Variants in RGS6 observed in about 807,000 individuals in gnomAD.
RGS6 encodes regulator of G-protein signaling 6.
RGS6 carries 30 observed loss-of-function variants against 78.5 expected under a neutral mutation model. The ratio of observed to expected loss-of-function variants is 0.38; its 90% CI spans 0.29 to 0.52. RGS6 has a LOEUF of 0.52. Ranked by LOEUF, RGS6 falls within the 20% of genes least tolerant of loss-of-function variation. RGS6 has a pLI of 0.85. For missense variants in RGS6, 495 were observed against 609.7 expected (o/e 0.81, Z 1.98); for synonymous variants, 206 against 206.0 (o/e 1.00, Z 0.00).
At chr14:72,537,654 A>G (rs995928793) in intron 16 of RGS6, 6 of 654,810 alleles carry the variant, frequency 9.2e-6, no homozygotes, top group Non-Finnish European at 1.6e-5. Context: ...TCTAAGAACT[A>G]GAGGAAAGAA....
At chr14:72,213,773 T>C (rs1226976829) in intron 2 of RGS6, among the ~76,000 whole-genome samples, 1 of 152,238 alleles carries the variant, frequency 6.6e-6, no homozygotes, top group African/African-American at 2.4e-5. Flanking sequence ...TTTATAGATC[T>C]TATGGTCAGA....
the RGS6 span, among the ~76,000 whole-genome samples, chr14:72,611,439 T>C: frequency 1.3e-5 from 2 of 152,160 alleles, no homozygotes; most frequent in Non-Finnish European, 2.9e-5. Context: ...ACACCAGCAG[T>C]GCCAGATACA....
Position 71,963,573 on chromosome 14 carries a change from T to C in RGS6, c.-20-1199T>C, listed in dbSNP as rs149917709. Among the ~76,000 whole-genome samples the C allele has an allele frequency of 3.3e-3, 497 of 152,374 alleles. 2 individuals carry two copies. Among genetic ancestry groups the C allele is most frequent in the African/African-American group, 0.011 (476 of 41,586 alleles). On this transcript the variant is annotated intron_variant, in intron 1 of 17. Coordinates refer to ENST00000553525, the MANE Select transcript of RGS6 (RefSeq NM_001204424.2). ...CTTGTCTCTGTGGACTTACCTATTC[T>C]GGATATTTCATAAAAATAGACTCCA... is the stretch of plus-strand genomic sequence containing the variant.
At chr14:72,133,433 G>A (rs539948163) in intron 2 of RGS6, among the ~76,000 whole-genome samples, 4 of 152,244 alleles carry the variant, frequency 2.6e-5, no homozygotes, top group African/African-American at 9.6e-5. Flanking sequence ...AGCACACTGA[G>A]ACTTTAAGCA....
chr14:72,139,689 C>G (rs1208899374), intron 2 of RGS6, among the ~76,000 whole-genome samples: 1 of 152,110 alleles, frequency 6.6e-6, no homozygotes, highest in Non-Finnish European at 1.5e-5. Context: ...TATTTTCTGC[C>G]TAGTTCTGCC....
At chr14:72,349,691 C>G (rs535271693) in intron 2 of RGS6, among the ~76,000 whole-genome samples, 1 of 152,126 alleles carries the variant, frequency 6.6e-6, no homozygotes, top group African/African-American at 2.4e-5. Context: ...GAAAAAGGAC[C>G]TCTTTAGTAA....
At chr14:72,119,211 G>A (rs1373505313) in intron 2 of RGS6, among the ~76,000 whole-genome samples, 1 of 152,150 alleles carries the variant, frequency 6.6e-6, no homozygotes, top group Non-Finnish European at 1.5e-5. Flanking sequence ...GGAAACTTTT[G>A]GGCTGGAGCA....
intron 3 of RGS6, among the ~76,000 whole-genome samples, chr14:72,453,669 C>T (rs1022412643): frequency 3.4e-5 from 5 of 145,402 alleles, no homozygotes; most frequent in African/African-American, 1.0e-4. Flanking sequence ...GATTTATATT[C>T]GTTAAGGTAA....
intron 17 of RGS6, chr14:72,540,633 A>G: frequency 7.0e-7 from 1 of 1,436,960 alleles, no homozygotes; most frequent in Non-Finnish European, 9.3e-7. Context: ...GATGTGGCCT[A>G]GCTGGCGTGT....
At chr14:72,071,465 G>A (rs562854065) in intron 2 of RGS6, among the ~76,000 whole-genome samples, 1 of 152,136 alleles carries the variant, frequency 6.6e-6, no homozygotes, top group Non-Finnish European at 1.5e-5. Flanking sequence ...TACCTTACTA[G>A]GTAATTACAA....
chr14:72,536,445 C>A (rs1598842743), intron 16 of RGS6, among the ~76,000 whole-genome samples, 170 bp downstream of exon 16: 3 of 152,176 alleles, frequency 2.0e-5, no homozygotes, highest in Admixed American at 2.0e-4. Flanking sequence ...ATTGTCACCA[C>A]CCCAGCCCCA....
At chr14:72,052,638 G>A (rs1316374787) in intron 2 of RGS6, among the ~76,000 whole-genome samples, 1 of 96,738 alleles carries the variant, frequency 1.0e-5, no homozygotes, top group African/African-American at 4.5e-5. Context: ...CCTAGCATGA[G>A]GAATTTTTCT....
intron 2 of RGS6, among the ~76,000 whole-genome samples, chr14:72,236,247 CCT>C (rs2050987454): frequency 6.6e-6 from 1 of 152,174 alleles, no homozygotes; most frequent in Non-Finnish European, 1.5e-5. Flanking sequence ...TTAATGTTTT[CCT>C]CTGTTTGCTT....
chr14:72,385,891 T>C (rs1304330706), intron 3 of RGS6, among the ~76,000 whole-genome samples: 2 of 152,208 alleles, frequency 1.3e-5, no homozygotes, highest in African/African-American at 2.4e-5. Flanking sequence ...CTTTTAGTCA[T>C]GAACGAGGGT....
At chr14:72,406,000 G>C (rs10148175) in intron 3 of RGS6, among the ~76,000 whole-genome samples, 5,479 of 152,252 alleles carry the variant, frequency 0.036, 352 homozygotes, top group African/African-American at 0.12. Flanking sequence ...AGATGTTAAG[G>C]TTACTGTAGA....
the RGS6 span, among the ~76,000 whole-genome samples, chr14:72,584,304 A>G: frequency 6.6e-6 from 1 of 152,230 alleles, no homozygotes; most frequent in African/African-American, 2.4e-5. Flanking sequence ...AGAATGGTGA[A>G]CAATTTTCAC....
chr14:72,254,393 T>A (rs3784049), intron 2 of RGS6, among the ~76,000 whole-genome samples: 91,866 of 151,860 alleles, frequency 0.6, 28,359 homozygotes, highest in African/African-American at 0.7. Flanking sequence ...ACGCCTCTTG[T>A]GCGATGGTTG....
chr14:72,342,166 G>C (rs112963152), intron 2 of RGS6, among the ~76,000 whole-genome samples: 1 of 152,098 alleles, frequency 6.6e-6, no homozygotes, highest in African/African-American at 2.4e-5. Context: ...TCCTTGGTAG[G>C]CTGGGTTAAA....
At chr14:71,957,061 A>G (rs1042771635) in intron 1 of RGS6, among the ~76,000 whole-genome samples, 5 of 152,124 alleles carry the variant, frequency 3.3e-5, no homozygotes, top group African/African-American at 7.2e-5. Context: ...AAAGTTTAGG[A>G]TGTGGCCATG....
Sources: gnomAD v4.1 joint callset for allele counts (sites outside exome capture counted in the v4.1 genomes callset) on GRCh38, gnomAD v4.1.1 for gene constraint, MANE v1.5 for transcripts, NCBI Gene and HGNC (gene_info 2026-07-23, HGNC 2026-07-21) for gene names.